SPATA6L: variants seen among roughly 807,000 people sequenced by gnomAD.
SPATA6L encodes spermatogenesis associated 6-like protein.
A neutral mutation model predicts 49.2 loss-of-function variants in SPATA6L; 68 were observed. That is an observed-to-expected ratio of 1.38 (90% CI 1.14 to 1.69). The LOEUF (loss-of-function observed/expected upper bound fraction) is 1.69, where lower values mean the gene tolerates loss of function less well. Ranked by LOEUF, SPATA6L falls within the 40% of genes most tolerant of loss-of-function variation. SPATA6L has a pLI of 0.00. For missense variants in SPATA6L, 668 were observed against 464.3 expected (o/e 1.44, Z -4.03); for synonymous variants, 198 against 165.7 (o/e 1.19, Z -1.50).
At chr9:4,620,519 C>T (rs540684203) in intron 7 of SPATA6L, among the ~76,000 whole-genome samples, 1 of 152,338 alleles carries the variant, frequency 6.6e-6, no homozygotes, top group Admixed American at 6.5e-5. Context: ...GGTGATTCAA[C>T]TGCACATTCA....
intron 9 of SPATA6L, among the ~76,000 whole-genome samples, chr9:4,614,420 G>A (rs1416431642): frequency 6.6e-6 from 1 of 152,084 alleles, no homozygotes; most frequent in East Asian, 1.9e-4. Flanking sequence ...TTGTGAACTG[G>A]ACACAGAGAA....
intron 5 of SPATA6L, chr9:4,628,097 G>T (rs1830689536): frequency 6.7e-6 from 2 of 296,902 alleles, no homozygotes; most frequent in Non-Finnish European, 1.3e-5. Context: ...GGTTACCAGA[G>T]GCTGGGAAGG....
At chr9:4,645,480 C>T (rs1451591415) in intron 3 of SPATA6L, among the ~76,000 whole-genome samples, 3 of 152,106 alleles carry the variant, frequency 2.0e-5, no homozygotes, top group Non-Finnish European at 4.4e-5. Context: ...CCAGGTGACA[C>T]AGGGAATCAC....
chr9:4,656,130 T>C (rs753004175), intron 2 of SPATA6L, 41 bp from the exon 3 acceptor site: 6 of 1,556,816 alleles, frequency 3.9e-6, no homozygotes, highest in Non-Finnish European at 4.4e-6. Context: ...CAAAGTTGTA[T>C]TAATAAGCGC....
rs979349442 is a variant in SPATA6L, at chr9:4,599,895, T to C, written c.*916A>G. Among the ~76,000 whole-genome samples, 6 of 152,076 alleles carry C rather than the reference T, an allele frequency of 3.9e-5. No individual in the cohort carries two copies. Among genetic ancestry groups the C allele is most frequent in the African/African-American group, 1.5e-4 (6 of 41,374 alleles). On this transcript the variant is annotated 3_prime_UTR_variant, in exon 12 of 12. Coordinates refer to ENST00000682582, the MANE Select transcript of SPATA6L (RefSeq NM_001353486.2). ...ATGCTTACACTATGAAGGAGGGAAA[T>C]AAGTTTCCATTTTCAGGCCCCTCTT...
chr9:4,633,980 T>C (rs1832222122), intron 4 of SPATA6L, among the ~76,000 whole-genome samples: 1 of 152,218 alleles, frequency 6.6e-6, no homozygotes, highest in Admixed American at 6.5e-5. Context: ...AAAAACCCTT[T>C]CTCTAATGAC....
At chr9:4,661,375 C>T (rs1375108972) in intron 2 of SPATA6L, among the ~76,000 whole-genome samples, 1 of 152,100 alleles carries the variant, frequency 6.6e-6, no homozygotes, top group African/African-American at 2.4e-5. Flanking sequence ...TTTATATCAC[C>T]ATGTTATTCA....
At chr9:4,632,488 C>G (rs1203237960) in intron 4 of SPATA6L, among the ~76,000 whole-genome samples, 1 of 151,086 alleles carries the variant, frequency 6.6e-6, no homozygotes, top group African/African-American at 2.4e-5. Flanking sequence ...CCCAGCTACT[C>G]AGGAAGCTGA....
chr9:4,607,000 G>C (rs967097354), intron 9 of SPATA6L, among the ~76,000 whole-genome samples: 3 of 148,332 alleles, frequency 2.0e-5, no homozygotes, highest in Admixed American at 2.0e-4. Context: ...GAAGAATGCA[G>C]AAGCCTCAGG....
intron 5 of SPATA6L, chr9:4,628,719 T>A (rs1032312969): frequency 5.7e-6 from 1 of 175,044 alleles, no homozygotes; most frequent in African/African-American, 2.4e-5. Flanking sequence ...AGTGCCACCA[T>A]GCCCAGCCTA....
intron 3 of SPATA6L, among the ~76,000 whole-genome samples, chr9:4,641,469 CA>C (rs1250961810): frequency 2.6e-5 from 4 of 152,122 alleles, no homozygotes. Flanking sequence ...CTGTATACTT[CA>C]GATCATCTCT....
chr9:4,595,388 G>C (rs1242564815), downstream of SPATA6L, among the ~76,000 whole-genome samples: 1 of 151,994 alleles, frequency 6.6e-6, no homozygotes, highest in African/African-American at 2.4e-5. Flanking sequence ...TTCTTCAAAG[G>C]CTTTGTCAGA....
chr9:4,594,510 C>T (rs529118051), downstream of SPATA6L, among the ~76,000 whole-genome samples: 7 of 152,320 alleles, frequency 4.6e-5, no homozygotes, highest in South Asian at 2.1e-4. Flanking sequence ...CCGCGCCCAG[C>T]GGGGAATTGT....
intron 13 of SPATA6L, among the ~76,000 whole-genome samples, chr9:4,591,463 A>G (rs2129939173): frequency 1.3e-5 from 2 of 152,338 alleles, no homozygotes; most frequent in East Asian, 3.9e-4. Context: ...TGGATCTCAG[A>G]GAAGTGCTAC....
chr9:4,633,090 A>C (rs1831979681), intron 4 of SPATA6L: 1 of 155,540 alleles, frequency 6.4e-6, no homozygotes, highest in Admixed American at 6.4e-5. Flanking sequence ...GTGGATGATG[A>C]AAGCAAACTT....
In SPATA6L at chr9:4,618,091, T is replaced by C. The variant is rs1211774183; in HGVS notation, c.827A>G (p.Glu276Gly). 3.1e-6 allele frequency: 5 copies of C among 1,608,952 alleles called. No individual in the cohort carries two copies. The African/African-American group carries it at 6.7e-5, about 22-fold the overall frequency. ...TGAGTCACTCCTTAAAACAATCCGTTCATCTGGCTCTTTGATAACCTGAGT... is the reference window on the plus strand; with the variant it reads ...TGAGTCACTCCTTAAAACAATCCGTCCATCTGGCTCTTTGATAACCTGAGT... ...ANVKVIKEPD[E>G]RIVLRSDSSS... Residue 276 changes from glutamate to glycine, a missense_variant, in exon 9 of 12, where the codon GAA becomes GGA. Glu to Gly is a moderately conservative substitution (Grantham distance 98). Coordinates refer to ENST00000682582, the MANE Select transcript of SPATA6L (RefSeq NM_001353486.2).
rs73393853 is a variant in SPATA6L at position 4,640,783 on chromosome 9, T to A, written c.227-5384A>T. Among the ~76,000 whole-genome samples, 1,078 of 152,276 alleles carry A rather than the reference T, an allele frequency of 7.1e-3. 11 individuals carry two copies. The highest frequency in any genetic ancestry group is 0.025 in the African/African-American group (1,033 of 41,532). ...AAAATCAATTGTTATTTTGAGCAATTCAAATTTAATTCCACTAAAATTATA... is the reference window on the plus strand; with the variant it reads ...AAAATCAATTGTTATTTTGAGCAATACAAATTTAATTCCACTAAAATTATA... On this transcript the variant is annotated intron_variant, in intron 3 of 11. Transcript: ENST00000682582.
At chr9:4,644,505 C>G (rs1834845550) in intron 3 of SPATA6L, among the ~76,000 whole-genome samples, 1 of 151,886 alleles carries the variant, frequency 6.6e-6, no homozygotes, top group South Asian at 2.1e-4. Flanking sequence ...GAAATATGTT[C>G]ATCAAAATAT....
chr9:4,610,559 T>C (rs1243812657), intron 9 of SPATA6L, among the ~76,000 whole-genome samples: 8 of 147,768 alleles, frequency 5.4e-5, no homozygotes, highest in Middle Eastern at 3.3e-3. Flanking sequence ...GGATTCCCTA[T>C]TTAATAAATG....
Sources: allele counts gnomAD v4.1 joint callset (sites outside exome capture counted in the v4.1 genomes callset), GRCh38; gene constraint gnomAD v4.1.1; transcripts MANE v1.5; gene names NCBI Gene and HGNC (gene_info 2026-07-23, HGNC 2026-07-21).